The following TMEM132C variants were observed in gnomAD, a reference collection of about 807,000 sequenced individuals.
TMEM132C encodes the protein transmembrane protein 132C, also known as protein phosphatase 1, regulatory subunit 152.
TMEM132C carries 29 observed loss-of-function variants against 61.4 expected under a neutral mutation model. The observed-to-expected ratio is 0.47, with a 90% CI of 0.35 to 0.64. The LOEUF (loss-of-function observed/expected upper bound fraction) is 0.64, where lower values mean the gene tolerates loss of function less well. Ranked by LOEUF, TMEM132C falls within the 30% of genes least tolerant of loss-of-function variation. TMEM132C has a pLI of 0.00. For synonymous variants in TMEM132C, 656 were observed against 633.1 expected, an observed-to-expected ratio of 1.04 and a Z score of -0.54; for missense variants, 1,408 against 1,476.9, an observed-to-expected ratio of 0.95 and a Z score of 0.76.
At chr12:128,402,037 G>A (rs1175426952) in intron 1 of TMEM132C, among the ~76,000 whole-genome samples, 1 of 152,178 alleles carries the variant, frequency 6.6e-6, no homozygotes, top group Non-Finnish European at 1.5e-5. Context: ...TGGCCCTGAT[G>A]TCATCACAGG....
intron 1 of TMEM132C, among the ~76,000 whole-genome samples, chr12:128,357,692 CA>C (rs751246246): frequency 0.032 from 2,306 of 71,260 alleles, 33 homozygotes; most frequent in African/African-American, 0.079. Flanking sequence ...GACTCCGTCT[CA>C]AAAAAAAAAA....
At chr12:128,307,121 G>T (rs1359266100) in intron 1 of TMEM132C, among the ~76,000 whole-genome samples, 1 of 152,060 alleles carries the variant, frequency 6.6e-6, no homozygotes, top group African/African-American at 2.4e-5. Flanking sequence ...GTTTCCCAGG[G>T]TTGGTTCACA....
intron 2 of TMEM132C, chr12:128,439,037 A>G (rs1190702064): frequency 6.6e-6 from 1 of 152,216 alleles, no homozygotes; most frequent in East Asian, 1.9e-4. Context: ...GGTTGTTATC[A>G]TAGACTCAGA....
At chr12:128,372,861 C>G (rs542038984) in intron 1 of TMEM132C, among the ~76,000 whole-genome samples, 2 of 151,898 alleles carry the variant, frequency 1.3e-5, no homozygotes, top group African/African-American at 4.8e-5. Context: ...GGAGTTTGTA[C>G]GTTTAAAACC....
chr12:128,563,242 A>C (rs1874584712), intron 3 of TMEM132C, among the ~76,000 whole-genome samples: 1 of 152,240 alleles, frequency 6.6e-6, no homozygotes, highest in South Asian at 2.1e-4. Flanking sequence ...TCAGAGAATG[A>C]ATGTTGAAAG....
intron 4 of TMEM132C, among the ~76,000 whole-genome samples, chr12:128,622,371 A>ATG (rs1953976463): frequency 1.7e-5 from 1 of 57,242 alleles, no homozygotes; most frequent in Non-Finnish European, 3.2e-5. Flanking sequence ...ATATATATAT[A>ATG]TATATATATA....
chr12:128,374,630 A>G (rs947004775), intron 1 of TMEM132C, among the ~76,000 whole-genome samples: 2 of 152,058 alleles, frequency 1.3e-5, no homozygotes, highest in Non-Finnish European at 2.9e-5. Context: ...CCTGTGGAGT[A>G]AGACACAGTC....
chr12:128,332,816 T>C (rs147423684), intron 1 of TMEM132C, among the ~76,000 whole-genome samples: 1 of 151,964 alleles, frequency 6.6e-6, no homozygotes, highest in East Asian at 1.9e-4. Context: ...ATCTCTGAGA[T>C]TATCTTTATT....
intron 2 of TMEM132C, among the ~76,000 whole-genome samples, chr12:128,486,876 A>ACACACAC (rs1871511485): frequency 7.6e-6 from 1 of 131,136 alleles, no homozygotes; most frequent in African/African-American, 2.8e-5. Flanking sequence ...TGTGCATGCA[A>ACACACAC]ACACACACAC....
At chr12:128,391,844 AC>A (rs1874772828) in intron 1 of TMEM132C, among the ~76,000 whole-genome samples, 1 of 152,050 alleles carries the variant, frequency 6.6e-6, no homozygotes, top group Non-Finnish European at 1.5e-5. Context: ...CTTGGGCCAA[AC>A]CCCTGCCGTC....
chr12:128,531,585 GCACA>G lies in TMEM132C; in HGVS notation c.975-12365_975-12362del, dbSNP rs772413622. On this transcript the variant is annotated intron_variant, in intron 2 of 8. Coordinates refer to ENST00000435159, the MANE Select transcript of TMEM132C (RefSeq NM_001136103.3). ...ACCACAGGTGAAGGCACATGCGTGTGCACACACACAGGCACATACCTGCTCACAT... is the reference window on the plus strand; with the variant it reads ...ACCACAGGTGAAGGCACATGCGTGTGCACACAGGCACATACCTGCTCACAT... 2.2e-4 allele frequency among the ~76,000 whole-genome samples: 34 copies of G among 152,314 alleles called. No individual in the cohort carries two copies. In the South Asian group the frequency reaches 4.1e-3, roughly 19 times the overall value.
chr12:128,493,290 T>C (rs1437127685), intron 2 of TMEM132C, among the ~76,000 whole-genome samples: 2 of 152,234 alleles, frequency 1.3e-5, no homozygotes, highest in African/African-American at 4.8e-5. Context: ...GCATGATGCC[T>C]CCAGCTTTGT....
intron 1 of TMEM132C, among the ~76,000 whole-genome samples, chr12:128,303,437 C>T (rs373071841): frequency 6.6e-6 from 1 of 152,128 alleles, no homozygotes. Context: ...TTTCTTTATT[C>T]GTGATGAGGG....
intron 2 of TMEM132C, among the ~76,000 whole-genome samples, chr12:128,443,664 G>A (rs933363566): frequency 1.1e-4 from 17 of 152,126 alleles, no homozygotes; most frequent in African/African-American, 3.6e-4. Flanking sequence ...GAACGGACAA[G>A]GCTAAAATCC....
intron 3 of TMEM132C, among the ~76,000 whole-genome samples, chr12:128,610,392 T>G (rs1302856813): frequency 6.6e-6 from 1 of 152,252 alleles, no homozygotes; most frequent in Non-Finnish European, 1.5e-5. Flanking sequence ...TCTTACCAAA[T>G]AGAGTCTGAC....
intron 2 of TMEM132C, among the ~76,000 whole-genome samples, chr12:128,456,706 C>A (rs1181425499): frequency 6.6e-6 from 1 of 152,012 alleles, no homozygotes; most frequent in Non-Finnish European, 1.5e-5. Flanking sequence ...CCACTCCTAG[C>A]CTCTGATTAC....
intron 1 of TMEM132C, among the ~76,000 whole-genome samples, chr12:128,275,549 A>G (rs1870661316): frequency 6.6e-6 from 1 of 152,114 alleles, no homozygotes; most frequent in African/African-American, 2.4e-5. Flanking sequence ...GTACAGTGTA[A>G]TAATAATAGA....
At position 128,563,773 on chromosome 12, in the gene TMEM132C, C is replaced by T. The variant is rs117616790; in HGVS notation, c.1121+19670C>T. On this transcript the variant is annotated intron_variant, in intron 3 of 8. Coordinates refer to ENST00000435159, the MANE Select transcript of TMEM132C (RefSeq NM_001136103.3). ...GTGACAAGCTTAGAACTGTGCTTGA[C>T]GCTTAGCAAATCCTCAATAAATATT... 2.0e-3 allele frequency among the ~76,000 whole-genome samples: 305 copies of T among 152,268 alleles called. 2 individuals are homozygous for T. The highest frequency in any genetic ancestry group is 3.3e-3 in the Non-Finnish European group (226 of 68,022).
At chr12:128,584,237 A>T (rs1402156256) in intron 3 of TMEM132C, among the ~76,000 whole-genome samples, 2 of 152,216 alleles carry the variant, frequency 1.3e-5, no homozygotes, top group Non-Finnish European at 2.9e-5. Flanking sequence ...CCTCTACAGG[A>T]AATAGTTCCT....
Sources: allele counts gnomAD v4.1 joint callset (sites outside exome capture counted in the v4.1 genomes callset), GRCh38; gene constraint gnomAD v4.1.1; transcripts MANE v1.5; gene names NCBI Gene and HGNC (gene_info 2026-07-23, HGNC 2026-07-21).